The following CSF2RB variants were observed in gnomAD, a reference collection of about 807,000 sequenced individuals.
CSF2RB encodes the protein colony stimulating factor 2 receptor subunit beta.
Under a neutral mutation model 67.2 loss-of-function variants are expected in CSF2RB, and 22 were observed. The ratio of observed to expected loss-of-function variants is 0.33; its 90% CI spans 0.23 to 0.47. CSF2RB has a LOEUF of 0.47. Among genes scored for constraint, CSF2RB ranks in the 20% least tolerant of loss-of-function variants. The pLI is 1.00. For missense variants in CSF2RB, 1,113 were observed against 1,174.5 expected (o/e 0.95, Z 0.76); for synonymous variants, 507 against 482.9 (o/e 1.05, Z -0.65).
At chr22:36,923,510 C>A in intron 3 of CSF2RB, 143 bp downstream of exon 3, 1 of 1,342,230 alleles carries the variant, frequency 7.5e-7, no homozygotes, top group Non-Finnish European at 1.0e-6. Flanking sequence ...GGAGGCCCTG[C>A]AAGAGCTCCT....
rs748451270 is a variant in CSF2RB at position 36,938,081 on chromosome 22, C to T, written c.2273C>T (p.Pro758Leu). ...AGTGGACCCCCTGGAGCCCCAGGCC[C>T]TGTGAAGTCAGGGTTTGAGGGCTAT... ...LASGPPGAPGPVKSGFEGYVE... is the reference protein window; with the variant it reads ...LASGPPGAPGLVKSGFEGYVE... The change falls in exon 14 of 14, where the codon CCT becomes CTT. Residue 758 changes from proline (P) to leucine (L), a missense_variant. Around this residue, in one of 2 missense-constraint regions of CSF2RB, gnomAD observed 554 missense variants for 517.9 expected, o/e 1.07. Coordinates refer to ENST00000403662, the MANE Select transcript of CSF2RB (RefSeq NM_000395.3). The T allele has an allele frequency of 2.5e-6, 4 of 1,614,020 alleles. No homozygotes were observed. In the Admixed American group the frequency reaches 6.7e-5, roughly 27 times the overall value.
At chr22:36,919,427 T>G (rs900700250) in intron 1 of CSF2RB, among the ~76,000 whole-genome samples, 20 of 152,190 alleles carry the variant, frequency 1.3e-4, no homozygotes, top group South Asian at 2.1e-4. Context: ...TTGTTTGTTT[T>G]TTTGAGACAG....
At chr22:36,923,153 C>T in intron 2 of CSF2RB, 91 bp from the exon 3 acceptor site, 2 of 1,602,860 alleles carry the variant, frequency 1.2e-6, no homozygotes, top group Non-Finnish European at 1.7e-6. Flanking sequence ...AGACCCCTCC[C>T]CAGAGCGGGA....
In CSF2RB at chr22:36,923,799, G is replaced by A. The variant is rs1342981204; in HGVS notation, c.200+432G>A. On this transcript the variant is annotated intron_variant, in intron 3 of 13. Transcript: ENST00000403662. ...CGCTAGCCTGGGAGTTCACAGATGG[G>A]AAAACTGAGGCCCTGGAGGTGAGGT... 17 of 1,290,022 alleles carry A rather than the reference G, an allele frequency of 1.3e-5. No homozygotes were observed. In the Admixed American group the frequency reaches 2.1e-4, roughly 16 times the overall value. The allele number at this position is 1,290,022 out of a possible 1,614,324, so 79.9% of individuals were successfully genotyped here.
rs570881311 is a variant in CSF2RB at position 36,926,051 on chromosome 22, C to G, written c.265C>G (p.Pro89Ala). 2 of 1,614,118 alleles carry G rather than the reference C, an allele frequency of 1.2e-6. No individual in the cohort carries two copies. Among genetic ancestry groups the G allele is most frequent in the Admixed American group, 1.7e-5 (1 of 60,008 alleles). ...CATGCCCTGGTCAGCCTGCCCCCAT[C>G]CCCGCTGCGTGCCCAGGAGATGTGT... ...DDMPWSACPHPRCVPRRCVIP... is the reference protein window; with the variant it reads ...DDMPWSACPHARCVPRRCVIP... Residue 89 changes from proline (P) to alanine (A), a missense_variant, in exon 4 of 14, where the codon CCC becomes GCC. Pro to Ala is a conservative substitution (Grantham distance 27, BLOSUM62 -1). Coordinates refer to ENST00000403662, the MANE Select transcript of CSF2RB (RefSeq NM_000395.3).
At chr22:36,914,383 C>A (rs1162344811) in intron 1 of CSF2RB, among the ~76,000 whole-genome samples, 2 of 135,018 alleles carry the variant, frequency 1.5e-5, no homozygotes, top group African/African-American at 2.8e-5. Context: ...CAGGCACTAT[C>A]CAGCAATCTC....
chr22:36,938,295 G>T lies in CSF2RB; in HGVS notation c.2487G>T (p.Gly829=). 2 of 1,614,202 alleles carry T rather than the reference G, an allele frequency of 1.2e-6. No homozygotes were observed. Among genetic ancestry groups the T allele is most frequent in the Non-Finnish European group, 1.7e-6 (2 of 1,180,028 alleles). The stretch of plus-strand genomic sequence containing the variant: ...ACTATTGCTTCCTCCCCGGCCTGGG[G>T]CCCGGCCCTCTCTCGCTCCGGAGTA... The part of the protein sequence containing the change: ...VGDYCFLPGL[G]PGPLSLRSKP... The change falls in exon 14 of 14, where the codon GGG becomes GGT. Residue 829 remains glycine (G), a synonymous_variant. Coordinates refer to ENST00000403662, the MANE Select transcript of CSF2RB (RefSeq NM_000395.3).
At chr22:36,923,888 C>G in intron 3 of CSF2RB, 1 of 854,152 alleles carries the variant, frequency 1.2e-6, no homozygotes, top group African/African-American at 1.7e-5. Flanking sequence ...TGGGAGGGGG[C>G]TCCGCGCTCT....
At chr22:36,922,372 C>A in intron 2 of CSF2RB, 89 bp downstream of exon 2, 1 of 1,283,586 alleles carries the variant, frequency 7.8e-7, no homozygotes, top group Non-Finnish European at 1.1e-6. Flanking sequence ...CAGGATCCTG[C>A]CCGCCAGCCC....
At chr22:36,924,459 C>A (rs1200103183) in intron 3 of CSF2RB, among the ~76,000 whole-genome samples, 4 of 152,174 alleles carry the variant, frequency 2.6e-5, no homozygotes, top group Admixed American at 2.6e-4. Flanking sequence ...TGCCCCAACC[C>A]CCTCTCAGAT....
At chr22:36,932,397 T>C (rs1941162896) in intron 8 of CSF2RB, among the ~76,000 whole-genome samples, 1 of 133,786 alleles carries the variant, frequency 7.5e-6, no homozygotes, top group Non-Finnish European at 1.5e-5. Context: ...ATCACACCAC[T>C]GCACTCCAGC....
chr22:36,930,590 G>A lies in CSF2RB; in HGVS notation c.854+80G>A. ...GCTTCCTCCTGTCCCTGGGGCCCCA[G>A]CAGAAGCCACAGCCCACCCTAAGCT... is the stretch of plus-strand genomic sequence containing the variant. On this transcript the variant is annotated intron_variant, in intron 7 of 13. Coordinates refer to ENST00000403662, the MANE Select transcript of CSF2RB (RefSeq NM_000395.3). The A allele has an allele frequency of 1.9e-6, 3 of 1,611,020 alleles. No homozygotes were observed. In the South Asian group the frequency reaches 3.3e-5, roughly 18 times the overall value.
chr22:36,923,183 G>A, intron 2 of CSF2RB, 61 bp from the exon 3 acceptor site: 1 of 1,613,458 alleles, frequency 6.2e-7, no homozygotes, highest in Non-Finnish European at 8.5e-7. Flanking sequence ...GCAGCTGGGG[G>A]TGATGGTGAC....
chr22:36,919,567 ATT>A (rs35070577), intron 1 of CSF2RB, among the ~76,000 whole-genome samples: 5,550 of 142,138 alleles, frequency 0.039, 241 homozygotes, highest in African/African-American at 0.11. Flanking sequence ...ATGGCCAGCT[ATT>A]TTTTTTTTTT....
intron 5 of CSF2RB, 28 bp from the exon 6 acceptor site, chr22:36,929,611 T>A (rs773833290): frequency 1.1e-5 from 17 of 1,613,974 alleles, no homozygotes; most frequent in Admixed American, 8.3e-5. Flanking sequence ...GCAGCACCCC[T>A]CCTCCAGCAC....
intron 1 of CSF2RB, among the ~76,000 whole-genome samples, chr22:36,915,422 T>TTATATA (rs35022648): frequency 0.024 from 3,528 of 146,362 alleles, 127 homozygotes; most frequent in African/African-American, 0.076. Flanking sequence ...ATTATTTTAT[T>TTATATA]TATATATATA....
At chr22:36,925,356 T>C (rs1940987947) in intron 3 of CSF2RB, among the ~76,000 whole-genome samples, 1 of 152,110 alleles carries the variant, frequency 6.6e-6, no homozygotes, top group Non-Finnish European at 1.5e-5. Context: ...CTTCCAACAT[T>C]GCCACATTCC....
intron 1 of CSF2RB, among the ~76,000 whole-genome samples, chr22:36,917,027 C>T (rs1192724726): frequency 6.6e-6 from 1 of 152,116 alleles, no homozygotes; most frequent in African/African-American, 2.4e-5. Context: ...CTAACGTGCC[C>T]CCTTGACTCT....
chr22:36,925,948 C>G lies in CSF2RB; in HGVS notation c.201-39C>G, dbSNP rs766647143. On this transcript the variant is annotated intron_variant, in intron 3 of 13. Transcript: ENST00000403662. ...AGGAACCTTTCGTGAGTCAGTGATA[C>G]CCATACACCCTGGGCTAAGCCGTGT... 2.5e-6 allele frequency: 4 copies of G among 1,609,012 alleles called. No homozygotes were observed. The East Asian group carries it at 8.9e-5, about 36-fold the overall frequency.
Sources: gnomAD v4.1 joint callset for allele counts (sites outside exome capture counted in the v4.1 genomes callset) on GRCh38, gnomAD v4.1.1 for gene constraint, gnomAD v4.1.1 regional missense constraint, MANE v1.5 for transcripts, NCBI Gene and HGNC (gene_info 2026-07-23, HGNC 2026-07-21) for gene names.